SORCS3: variants seen among roughly 807,000 people sequenced by gnomAD.
SORCS3 encodes the protein VPS10 domain-containing receptor SorCS3.
Under a neutral mutation model 146.3 loss-of-function variants are expected in SORCS3, and 57 were observed. The observed-to-expected ratio is 0.39, with a 90% CI of 0.31 to 0.49. The LOEUF is 0.49. SORCS3 is among the 20% of genes least tolerant of loss of function. The pLI is 0.92. For missense variants in SORCS3, 1,341 were observed against 1,575.5 expected (o/e 0.85, Z 2.52); for synonymous variants, 653 against 618.5 (o/e 1.06, Z -0.83).
At chr10:105,006,056 C>G (rs1025415297) in intron 4 of SORCS3, among the ~76,000 whole-genome samples, 10 of 152,190 alleles carry the variant, frequency 6.6e-5, no homozygotes, top group African/African-American at 2.4e-4. Context: ...ATTCTCCTGC[C>G]TCAGCCTCCC....
At chr10:104,905,098 A>T (rs934870881) in intron 2 of SORCS3, among the ~76,000 whole-genome samples, 3 of 152,140 alleles carry the variant, frequency 2.0e-5, no homozygotes, top group Non-Finnish European at 4.4e-5. Context: ...ATGCCCTACT[A>T]CTCGGGTCTG....
At chr10:104,844,069 G>A (rs1438827661) in intron 2 of SORCS3, among the ~76,000 whole-genome samples, 4 of 152,188 alleles carry the variant, frequency 2.6e-5, no homozygotes, top group Non-Finnish European at 4.4e-5. Context: ...AGCAGTCGCA[G>A]TATCTATTAA....
At chr10:104,786,549 AAATAATAAT>A (rs10644058) in intron 1 of SORCS3, among the ~76,000 whole-genome samples, 14 of 140,516 alleles carry the variant, frequency 1.0e-4, no homozygotes, top group African/African-American at 3.5e-4. Flanking sequence ...ACTCCATCTA[AAATAATAAT>A]AATAATAATA....
chr10:104,710,766 C>A (rs567445425), intron 1 of SORCS3, among the ~76,000 whole-genome samples: 83 of 151,464 alleles, frequency 5.5e-4, no homozygotes, highest in Non-Finnish European at 1.0e-3. Flanking sequence ...AGACCAACTT[C>A]TTTGGAAAAT....
chr10:104,868,387 G>A, intron 2 of SORCS3, among the ~76,000 whole-genome samples: 1 of 152,222 alleles, frequency 6.6e-6, no homozygotes, highest in South Asian at 2.1e-4. Context: ...CTATAAGACA[G>A]CTTCCCTGAC....
intron 1 of SORCS3, among the ~76,000 whole-genome samples, chr10:104,821,188 C>T (rs1427754066): frequency 6.6e-6 from 1 of 152,144 alleles, no homozygotes; most frequent in African/African-American, 2.4e-5. Context: ...TTGAAGCAGT[C>T]ACAACATTTT....
chr10:104,946,854 T>C (rs1211949824), intron 3 of SORCS3, among the ~76,000 whole-genome samples: 2 of 152,168 alleles, frequency 1.3e-5, no homozygotes, highest in Non-Finnish European at 2.9e-5. Context: ...TTTAGTGGAA[T>C]TTCTAAGTCC....
intron 2 of SORCS3, among the ~76,000 whole-genome samples, chr10:104,851,851 T>C (rs2018277275): frequency 1.3e-5 from 2 of 152,206 alleles, no homozygotes; most frequent in South Asian, 4.1e-4. Context: ...TCTATAAATG[T>C]CATTAGGAGG....
At position 104,984,801 on chromosome 10, in the gene SORCS3, G is replaced by A. The variant is rs192350962; in HGVS notation, c.954+7308G>A. Among the ~76,000 whole-genome samples the A allele has an allele frequency of 6.6e-5, 10 of 152,174 alleles. No individual in the cohort carries two copies. In the East Asian group the frequency reaches 7.7e-4, roughly 12 times the overall value. ...TGTGAACTTTTTGGTTTCCCCATGC[G>A]TATAAAAGTTATTTTTATGCTATAC... On this transcript the variant is annotated intron_variant, in intron 4 of 26. Transcript: ENST00000369701.
intron 2 of SORCS3, among the ~76,000 whole-genome samples, chr10:104,850,106 C>G (rs963164002): frequency 2.0e-5 from 3 of 152,150 alleles, no homozygotes; most frequent in African/African-American, 7.2e-5. Context: ...GGGCCTAAGC[C>G]CATTGAAGAG....
intron 22 of SORCS3, among the ~76,000 whole-genome samples, chr10:105,249,880 C>CA (rs1052815557): frequency 1.4e-4 from 21 of 146,932 alleles, no homozygotes; most frequent in East Asian, 4.0e-4. Context: ...GACTCCATCT[C>CA]AAAAAAAAAC....
At chr10:104,930,406 C>T (rs1466325068) in intron 3 of SORCS3, among the ~76,000 whole-genome samples, 1 of 152,174 alleles carries the variant, frequency 6.6e-6, no homozygotes, top group Non-Finnish European at 1.5e-5. Context: ...CCATGACCCT[C>T]TAGAACATCT....
intron 1 of SORCS3, among the ~76,000 whole-genome samples, chr10:104,656,670 A>T (rs747601819): frequency 1.4e-4 from 21 of 152,172 alleles, no homozygotes; most frequent in Non-Finnish European, 2.6e-4. Flanking sequence ...TTAAAAAAAA[A>T]CAAAAAGAAA....
chr10:104,777,913 G>T (rs552596070), intron 1 of SORCS3, among the ~76,000 whole-genome samples: 2 of 152,130 alleles, frequency 1.3e-5, no homozygotes, highest in Non-Finnish European at 1.5e-5. Flanking sequence ...TTACTGGGGT[G>T]AGATTATATC....
At chr10:104,969,216 CTT>C (rs2054844176) in intron 3 of SORCS3, among the ~76,000 whole-genome samples, 1 of 152,040 alleles carries the variant, frequency 6.6e-6, no homozygotes, top group Admixed American at 6.6e-5. Flanking sequence ...TTCCTACTCT[CTT>C]AATGCTTGAT....
In SORCS3 at chr10:104,641,313, G is replaced by A; in HGVS notation, c.-15G>A. The A allele has an allele frequency of 7.8e-7, 1 of 1,282,906 alleles. No homozygotes were observed. Among genetic ancestry groups the A allele is most frequent in the Non-Finnish European group, 9.8e-7 (1 of 1,018,388 alleles). The allele number at this position is 1,282,906 out of a possible 1,614,324, so 79.5% of individuals were successfully genotyped here. On this transcript the variant is annotated 5_prime_UTR_variant, in exon 1 of 27. Coordinates refer to ENST00000369701, the MANE Select transcript of SORCS3 (RefSeq NM_014978.3). The surrounding 1 kb of genome is among the most constrained non-coding windows in gnomAD (Gnocchi z 6.4). ...CCACACACTCGGCAGCCCGAGCCGC[G>A]GTAGCCGCAGCGGGATGGAGGCGGC...
intron 2 of SORCS3, among the ~76,000 whole-genome samples, chr10:104,869,015 G>A (rs1288598051): frequency 6.6e-6 from 1 of 152,048 alleles, no homozygotes; most frequent in African/African-American, 2.4e-5. Flanking sequence ...TCAGATTAGA[G>A]AGCCCATTCC....
At chr10:104,735,098 C>T (rs1237467111) in intron 1 of SORCS3, among the ~76,000 whole-genome samples, 7 of 152,114 alleles carry the variant, frequency 4.6e-5, no homozygotes, top group Admixed American at 4.6e-4. Context: ...GTCAGTAAAG[C>T]ACATCAAGAA....
At chr10:105,144,637 T>A (rs1354753319) in intron 8 of SORCS3, among the ~76,000 whole-genome samples, 3 of 152,146 alleles carry the variant, frequency 2.0e-5, no homozygotes, top group East Asian at 3.9e-4. Context: ...TTATGTCTGA[T>A]GCTTTTCAAG....
Sources: allele counts gnomAD v4.1 joint callset (sites outside exome capture counted in the v4.1 genomes callset), GRCh38; gene constraint gnomAD v4.1.1; non-coding constraint Gnocchi (gnomAD v3.1); transcripts MANE v1.5; gene names NCBI Gene and HGNC (gene_info 2026-07-23, HGNC 2026-07-21).